ESR1: variants seen among roughly 807,000 people sequenced by gnomAD.
ESR1 encodes the protein estrogen receptor 1.
ESR1 carries 12 observed loss-of-function variants against 52.7 expected under a neutral mutation model. That is an observed-to-expected ratio of 0.23 (90% CI 0.15 to 0.37). The LOEUF is 0.37. Ranked by LOEUF, ESR1 falls within the 10% of genes least tolerant of loss-of-function variation. The pLI is 1.00. For synonymous variants in ESR1, 305 were observed against 316.8 expected (o/e 0.96, Z 0.39); for missense variants, 584 against 779.7 (o/e 0.75, Z 2.99).
rs1239166100 is a variant in ESR1, at chr6:151,909,882, T to C, written c.760+29111T>C. On this transcript the variant is annotated intron_variant, in intron 3 of 7. Coordinates refer to ENST00000206249, the MANE Select transcript of ESR1 (RefSeq NM_000125.4). ...CTTCACCAGATCGCCAAGCTAGGAATGTTGACATACCTGGCTTGGGGTCAG... is the reference window on the plus strand; with the variant it reads ...CTTCACCAGATCGCCAAGCTAGGAACGTTGACATACCTGGCTTGGGGTCAG... Among the ~76,000 whole-genome samples, 11 of 152,132 alleles carry C rather than the reference T, an allele frequency of 7.2e-5. No homozygotes were observed. The East Asian group carries it at 2.1e-3, about 30-fold the overall frequency.
At chr6:151,775,570 A>G (rs927696205) in intron 2 of ESR1, among the ~76,000 whole-genome samples, 14 of 151,822 alleles carry the variant, frequency 9.2e-5, no homozygotes, top group African/African-American at 2.7e-4. Context: ...ACACGGTGAA[A>G]CCCTGTCTCT....
upstream of ESR1, among the ~76,000 whole-genome samples, chr6:151,686,705 C>G (rs1325931332): frequency 5.3e-5 from 8 of 151,642 alleles, no homozygotes; most frequent in Admixed American, 5.3e-4. Context: ...ACCAACCAAC[C>G]AACCAACCAA....
At chr6:152,047,137 C>T (rs1193457666) in intron 5 of ESR1, among the ~76,000 whole-genome samples, 1 of 152,096 alleles carries the variant, frequency 6.6e-6, no homozygotes, top group East Asian at 1.9e-4. Flanking sequence ...ACTTGCTACT[C>T]CCTGTTTTAT....
chr6:152,035,836 G>T (rs1417465951), intron 5 of ESR1, among the ~76,000 whole-genome samples: 2 of 151,990 alleles, frequency 1.3e-5, no homozygotes, highest in Non-Finnish European at 2.9e-5. Flanking sequence ...TAAGTTAATG[G>T]TCCTGACACA....
chr6:151,989,424 C>T (rs2040810801), intron 4 of ESR1, among the ~76,000 whole-genome samples: 1 of 152,008 alleles, frequency 6.6e-6, no homozygotes. Context: ...GTAGTGTTTA[C>T]ATTATGGCAT....
At position 152,100,898 on chromosome 6, in the gene ESR1, T is replaced by C; in HGVS notation, c.*1932T>C. ...TGTTTAAGAAGCACCTTAGTTTGTT[T>C]AAGAAGCACCTTATATAGTATAATA... On this transcript the variant is annotated 3_prime_UTR_variant, in exon 8 of 8. Coordinates refer to ENST00000206249, the MANE Select transcript of ESR1 (RefSeq NM_000125.4). The C allele has an allele frequency of 4.3e-6, 1 of 231,388 alleles. No homozygotes were observed. Among genetic ancestry groups the C allele is most frequent in the African/African-American group, 2.2e-5 (1 of 45,362 alleles). 14.3% of individuals were successfully genotyped at this position (231,388 alleles called of 1,614,324 possible).
intron 1 of ESR1, among the ~76,000 whole-genome samples, chr6:151,692,547 T>C (rs983456560): frequency 1.3e-5 from 2 of 152,200 alleles, no homozygotes; most frequent in Non-Finnish European, 2.9e-5. Flanking sequence ...AGTCTTCATC[T>C]ATGGCAGTGG....
At chr6:151,754,355 T>C (rs1784124646) in intron 2 of ESR1, among the ~76,000 whole-genome samples, 1 of 150,596 alleles carries the variant, frequency 6.6e-6, no homozygotes. Flanking sequence ...AAGGGATGGA[T>C]AAAAGAGTGT....
intron 4 of ESR1, among the ~76,000 whole-genome samples, chr6:151,966,082 A>G (rs914576472): frequency 1.3e-5 from 2 of 152,104 alleles, no homozygotes; most frequent in Non-Finnish European, 2.9e-5. Context: ...GTAATTTTTC[A>G]GAATCGATAT....
intron 4 of ESR1, among the ~76,000 whole-genome samples, chr6:151,987,734 G>A (rs561709130): frequency 6.6e-6 from 1 of 152,232 alleles, no homozygotes; most frequent in African/African-American, 2.4e-5. Flanking sequence ...GGTGGTTGAT[G>A]TCATATGCCT....
intron 2 of ESR1, among the ~76,000 whole-genome samples, chr6:151,849,243 C>T (rs1785819103): frequency 6.6e-6 from 1 of 152,136 alleles, no homozygotes; most frequent in Non-Finnish European, 1.5e-5. Context: ...TGGATGTAAA[C>T]TCAGTGATAG....
intron 1 of ESR1, among the ~76,000 whole-genome samples, chr6:151,831,843 C>A (rs907602950): frequency 6.6e-6 from 1 of 152,188 alleles, no homozygotes; most frequent in Non-Finnish European, 1.5e-5. Flanking sequence ...CAGCCCCTTT[C>A]ACTTTATTAA....
At chr6:151,685,423 G>A (rs1209299977) in intron 1 of ESR1, among the ~76,000 whole-genome samples, 2 of 151,986 alleles carry the variant, frequency 1.3e-5, no homozygotes, top group African/African-American at 2.4e-5. Context: ...GTGAGCCACC[G>A]CGCCCGGCCA....
At position 151,865,825 on chromosome 6, in the gene ESR1, C is replaced by T. The variant is rs147538231; in HGVS notation, c.644-14830C>T. Among the ~76,000 whole-genome samples the T allele has an allele frequency of 3.2e-3, 483 of 152,210 alleles. 2 individuals are homozygous for T. Among genetic ancestry groups the T allele is most frequent in the African/African-American group, 0.011 (462 of 41,536 alleles). ...GGCTAGCTCTGGAGAGGGGAGGAAA[C>T]GGAGATGCTAGATTTTTCCGGGCTC... On this transcript the variant is annotated intron_variant, in intron 2 of 7. Transcript: ENST00000206249.
At chr6:151,939,340 G>T (rs935713434) in intron 3 of ESR1, among the ~76,000 whole-genome samples, 2 of 152,124 alleles carry the variant, frequency 1.3e-5, no homozygotes, top group African/African-American at 4.8e-5. Context: ...AGACAGTTGG[G>T]GGGTGAACTT....
chr6:152,091,891 A>G lies in ESR1; in HGVS notation c.1370-2494A>G, dbSNP rs184875688. On this transcript the variant is annotated intron_variant, in intron 6 of 7. Coordinates refer to ENST00000206249, the MANE Select transcript of ESR1 (RefSeq NM_000125.4). Reference sequence around the variant, plus strand: ...CCAGCATCCTGGGTGGGAACAAAAAAGGAAATTGGTAGAAAGTACATCATC... The same window carrying G: ...CCAGCATCCTGGGTGGGAACAAAAAGGGAAATTGGTAGAAAGTACATCATC... Among the ~76,000 whole-genome samples, 72 of 152,348 alleles carry G rather than the reference A, an allele frequency of 4.7e-4. 1 individual carries two copies. In the East Asian group the frequency reaches 0.014, roughly 29 times the overall value.
chr6:151,958,328 T>C (rs1413522003), intron 4 of ESR1, among the ~76,000 whole-genome samples: 2 of 152,170 alleles, frequency 1.3e-5, no homozygotes, highest in Non-Finnish European at 2.9e-5. Context: ...AAAAAATCTC[T>C]ACCATTTATT....
At chr6:151,698,963 A>G (rs531630932) in intron 1 of ESR1, among the ~76,000 whole-genome samples, 3 of 152,222 alleles carry the variant, frequency 2.0e-5, no homozygotes, top group African/African-American at 7.2e-5. Context: ...GTGAAGGGAA[A>G]GACTCCTAGG....
intron 1 of ESR1, among the ~76,000 whole-genome samples, chr6:151,698,742 T>G (rs1340800798): frequency 6.6e-6 from 1 of 152,152 alleles, no homozygotes; most frequent in Non-Finnish European, 1.5e-5. Context: ...TCACTTCAGT[T>G]ACAGTAAATC....
Sources: gnomAD v4.1 joint callset for allele counts (sites outside exome capture counted in the v4.1 genomes callset) on GRCh38, gnomAD v4.1.1 for gene constraint, MANE v1.5 for transcripts, NCBI Gene and HGNC (gene_info 2026-07-23, HGNC 2026-07-21) for gene names.